Variants in CAPN12 observed in about 807,000 individuals in gnomAD.
CAPN12 encodes calpain 12.
A neutral mutation model predicts 95.0 loss-of-function variants in CAPN12; 107 were observed. That is an observed-to-expected ratio of 1.13 (90% CI 0.96 to 1.32). The LOEUF (loss-of-function observed/expected upper bound fraction) is 1.32, where lower values mean the gene tolerates loss of function less well. Among genes scored for constraint, CAPN12 ranks in the 40% most tolerant of loss-of-function variants. CAPN12 has a pLI of 0.00. For synonymous variants in CAPN12, 505 were observed against 415.5 expected, an observed-to-expected ratio of 1.22 and a Z score of -2.62; for missense variants, 1,136 against 997.8, an observed-to-expected ratio of 1.14 and a Z score of -1.87.
chr19:38,740,173 C>A lies in CAPN12; in HGVS notation c.607G>T (p.Ala203Ser), dbSNP rs1216418963. ...ACGCCGCCTGTGAAATCCACAAAAG[C>A]CTCATTCATGTGGCCGCCCCGCATC... ...EVMRGGHMNEAFVDFTGGVGE... is the reference protein window; with the variant it reads ...EVMRGGHMNESFVDFTGGVGE... The change falls in exon 5 of 21, where the codon GCT becomes TCT. Residue 203 changes from alanine to serine, a missense_variant. By Grantham distance (99) the Ala-to-Ser change is moderately conservative. Transcript: ENST00000328867. The A allele has an allele frequency of 3.1e-6, 5 of 1,612,900 alleles. No individual in the cohort carries two copies. Among genetic ancestry groups the A allele is most frequent in the Non-Finnish European group, 4.2e-6 (5 of 1,179,506 alleles).
intron 3 of CAPN12, 67 bp from the exon 4 acceptor site, chr19:38,741,977 G>A (rs1970573662): frequency 6.3e-7 from 1 of 1,580,504 alleles, no homozygotes; most frequent in Non-Finnish European, 8.6e-7. Flanking sequence ...CCCTGCCTCT[G>A]CTGTGCCAGT....
chr19:38,736,922 TA>T (rs1970222094), intron 10 of CAPN12: 2 of 99,732 alleles, frequency 2.0e-5, no homozygotes, highest in Non-Finnish European at 3.2e-5. Context: ...ACTAGCCCCC[TA>T]CTCCCCTCCC....
intron 4 of CAPN12, 94 bp downstream of exon 4, chr19:38,741,683 G>A: frequency 2.0e-6 from 3 of 1,487,874 alleles, no homozygotes; most frequent in Non-Finnish European, 2.7e-6. Flanking sequence ...GGTGTTTGGA[G>A]GATTGCAGAG....
intron 18 of CAPN12, 132 bp from the exon 19 acceptor site, chr19:38,731,355 G>A: frequency 1.4e-6 from 1 of 704,194 alleles, no homozygotes. Context: ...CATCCCGGCA[G>A]GGTGAGTACA....
At chr19:38,738,722 C>T (rs1022832036) in intron 5 of CAPN12, 74 bp from the exon 6 acceptor site, 29 of 1,427,322 alleles carry the variant, frequency 2.0e-5, no homozygotes, top group Non-Finnish European at 2.8e-5. Context: ...CCCCAACCTC[C>T]TGCCACCAAG....
chr19:38,735,918 G>A lies in CAPN12; in HGVS notation c.1583+192C>T, dbSNP rs1341175240. ...GGGGCGGGGGTTCTGGGGGCGGGGC[G>A]GGGCGGGGCGGGGGTTCTGGGGGCG... On this transcript the variant is annotated intron_variant, in intron 12 of 20. Coordinates refer to ENST00000328867, the MANE Select transcript of CAPN12 (RefSeq NM_144691.4). 9.9e-4 allele frequency among the ~76,000 whole-genome samples: 8 copies of A among 8,072 alleles called. 1 individual carries two copies. Among genetic ancestry groups the A allele is most frequent in the Non-Finnish European group, 2.0e-3 (6 of 2,968 alleles). The allele number at this position is 8,072 out of a possible 152,430, so 5.3% of individuals were successfully genotyped here.
intron 5 of CAPN12, chr19:38,738,890 G>T (rs1970381721): frequency 1.8e-6 from 1 of 552,984 alleles, no homozygotes; most frequent in Non-Finnish European, 3.2e-6. Flanking sequence ...CCAGCACTTA[G>T]GGAGGTCGAG....
chr19:38,733,442 C>CT (rs1969781728), intron 18 of CAPN12: 1 of 478,276 alleles, frequency 2.1e-6, no homozygotes, highest in African/African-American at 2.0e-5. Context: ...CTGGAGGGGC[C>CT]TCTCCCTGCC....
At chr19:38,736,492 A>ACCAAGCCCCAGGGCAGGTTGG in intron 11 of CAPN12, 60 bp downstream of exon 11, 1 of 1,512,518 alleles carries the variant, frequency 6.6e-7, no homozygotes, top group South Asian at 1.2e-5. Context: ...GGGCAGGTTG[A>ACCAAGCCCCAGGGCAGGTTGG]CCAAGCCCCA....
chr19:38,744,408 G>C lies in CAPN12; in HGVS notation c.-243C>G. On this transcript the variant is annotated 5_prime_UTR_variant, in exon 1 of 21. Transcript: ENST00000328867. The stretch of plus-strand genomic sequence containing the variant: ...GCTTAATGGGCTTGGCCAGCAGCAG[G>C]AGAGAAGGCGGGCAGAGCTGAGGGA... 3.5e-6 allele frequency: 2 copies of C among 572,068 alleles called. No individual in the cohort carries two copies. The highest frequency in any genetic ancestry group is 3.0e-5 in the Admixed American group (1 of 32,922). The allele number at this position is 572,068 out of a possible 1,614,324, so 35.4% of individuals were successfully genotyped here.
chr19:38,734,420 C>T (rs369844131), intron 15 of CAPN12, 31 bp from the exon 16 acceptor site: 2 of 1,546,676 alleles, frequency 1.3e-6, no homozygotes, highest in East Asian at 2.3e-5. Flanking sequence ...AACCACAGCA[C>T]TTCCTGCATT....
rs377467940 is a variant in CAPN12 at position 38,730,457 on chromosome 19, A to AT, written c.*394dup. ...TTTTTTTTTGAGTTTATTCTGATTG[A>AT]TTTTTTTTCTTGGTTTCTGGATAAA... On this transcript the variant is annotated 3_prime_UTR_variant, in exon 21 of 21. Transcript: ENST00000328867. 216 of 208,260 alleles carry AT rather than the reference A, an allele frequency of 1.0e-3. No individual in the cohort carries two copies. The highest frequency in any genetic ancestry group is 4.8e-3 in the African/African-American group (202 of 42,366). The allele number at this position is 208,260 out of a possible 1,614,324, so 12.9% of individuals were successfully genotyped here. A position where few individuals can be genotyped will look rare whatever the true frequency, so the allele number is the denominator to read the frequency against.
rs999212465 is a variant in CAPN12, at chr19:38,740,122, T to G, written c.658A>C (p.Asn220His). 1.2e-6 allele frequency: 2 copies of G among 1,612,752 alleles called. No homozygotes were observed. The highest frequency in any genetic ancestry group is 1.7e-6 in the Non-Finnish European group (2 of 1,179,860). The part of the protein sequence containing the change: ...GVGEVLYLRQ[N>H]SMGLFSALRH... ...AGGGCAGAGAACAGCCCCATGCTGT[T>G]TTGTCTCAGATAGAGCACCTCGCCC... Residue 220 changes from asparagine (N) to histidine (H), a missense_variant, in exon 5 of 21, where the codon AAC becomes CAC. Physicochemically the swap from Asn to His is moderately conservative, Grantham distance 68 (BLOSUM62 1). Transcript: ENST00000328867.
chr19:38,743,398 C>T (rs547409721), intron 1 of CAPN12, among the ~76,000 whole-genome samples: 1 of 103,822 alleles, frequency 9.6e-6, no homozygotes, highest in South Asian at 4.6e-4. Flanking sequence ...ACCCAGGAGT[C>T]CAGGTCCCGA....
chr19:38,744,407 G>A lies in CAPN12; in HGVS notation c.-242C>T. ...AGCTTAATGGGCTTGGCCAGCAGCA[G>A]GAGAGAAGGCGGGCAGAGCTGAGGG... is the stretch of plus-strand genomic sequence containing the variant. On this transcript the variant is annotated 5_prime_UTR_variant, in exon 1 of 21. Coordinates refer to ENST00000328867, the MANE Select transcript of CAPN12 (RefSeq NM_144691.4). 12 of 574,636 alleles carry A rather than the reference G, an allele frequency of 2.1e-5. No individual in the cohort carries two copies. In the South Asian group the frequency reaches 2.2e-4, roughly 11 times the overall value. The allele number at this position is 574,636 out of a possible 1,614,324, so 35.6% of individuals were successfully genotyped here.
intron 4 of CAPN12, 103 bp downstream of exon 4, chr19:38,741,674 G>T (rs1301169677): frequency 3.5e-6 from 5 of 1,415,144 alleles, no homozygotes; most frequent in Non-Finnish European, 4.8e-6. Flanking sequence ...TCTTGGTGGG[G>T]TGTTTGGAGG....
At chr19:38,731,540 C>G (rs1286386264) in intron 18 of CAPN12, 1 of 418,258 alleles carries the variant, frequency 2.4e-6, no homozygotes, top group Admixed American at 3.5e-5. Context: ...TGCCAGTGGG[C>G]ACTGGAGGAT....
At chr19:38,742,382 A>T in intron 3 of CAPN12, 28 bp downstream of exon 3, 1 of 1,456,106 alleles carries the variant, frequency 6.9e-7, no homozygotes, top group Non-Finnish European at 9.6e-7. Flanking sequence ...GGGGAAACGG[A>T]GGCATGGGCA....
chr19:38,736,423 C>A, intron 11 of CAPN12, 105 bp from the exon 12 acceptor site: 1 of 1,520,780 alleles, frequency 6.6e-7, no homozygotes, highest in Non-Finnish European at 8.9e-7. Context: ...GTCCACGCCT[C>A]CCCTGCCCCC....
Sources: allele counts gnomAD v4.1 joint callset (sites outside exome capture counted in the v4.1 genomes callset), GRCh38; gene constraint gnomAD v4.1.1; transcripts MANE v1.5; gene names NCBI Gene and HGNC (gene_info 2026-07-23, HGNC 2026-07-21).